The following MEGF11 variants were observed in gnomAD, a reference collection of about 807,000 sequenced individuals.
MEGF11 encodes multiple epidermal growth factor-like domains protein 11.
Under a neutral mutation model 146.6 loss-of-function variants are expected in MEGF11, and 126 were observed. That is an observed-to-expected ratio of 0.86 (90% confidence interval 0.74 to 1.00). The LOEUF is 1.00. Ranked by LOEUF, MEGF11 falls within the 50% of genes least tolerant of loss-of-function variation. MEGF11 has a pLI of 0.00. For missense variants in MEGF11, 1,509 were observed against 1,521.2 expected, an observed-to-expected ratio of 0.99 and a Z score of 0.13; for synonymous variants, 532 against 583.4, an observed-to-expected ratio of 0.91 and a Z score of 1.27.
intron 13 of MEGF11, among the ~76,000 whole-genome samples, chr15:65,924,746 C>T (rs1056168377): frequency 4.0e-5 from 6 of 151,674 alleles, no homozygotes; most frequent in Admixed American, 6.6e-5. Context: ...CTGCTTCAGC[C>T]TTCCGAGTAG....
chr15:66,073,633 G>C (rs2085460655), intron 5 of MEGF11, among the ~76,000 whole-genome samples: 1 of 152,142 alleles, frequency 6.6e-6, no homozygotes, highest in East Asian at 1.9e-4. Context: ...GCCTTTCCTG[G>C]TTCCCCAGGG....
chr15:65,899,392 ATTC>A (rs891589992), intron 24 of MEGF11, among the ~76,000 whole-genome samples: 49 of 152,232 alleles, frequency 3.2e-4, no homozygotes, highest in African/African-American at 1.1e-3. Context: ...ATTCTTGTGA[ATTC>A]TTCTTTTTTG....
At chr15:66,139,503 G>C (rs2140999080) in intron 1 of MEGF11, among the ~76,000 whole-genome samples, 1 of 151,878 alleles carries the variant, frequency 6.6e-6, no homozygotes, top group South Asian at 2.1e-4. Flanking sequence ...AAGTGAAACT[G>C]AACAAACATG....
At chr15:66,217,972 A>G (rs560181902) in intron 1 of MEGF11, among the ~76,000 whole-genome samples, 1 of 152,186 alleles carries the variant, frequency 6.6e-6, no homozygotes, top group African/African-American at 2.4e-5. Context: ...CCTGAAGCCA[A>G]TAACTTGCTG....
intron 24 of MEGF11, among the ~76,000 whole-genome samples, chr15:65,900,718 C>T (rs900850353): frequency 2.6e-5 from 4 of 152,178 alleles, no homozygotes; most frequent in Admixed American, 2.0e-4. Flanking sequence ...ACTAGCAGAG[C>T]AAACTCTGTA....
intron 5 of MEGF11, among the ~76,000 whole-genome samples, chr15:66,037,342 C>T (rs2083764503): frequency 1.3e-5 from 2 of 152,266 alleles, no homozygotes; most frequent in African/African-American, 2.4e-5. Flanking sequence ...ACTAAACCCA[C>T]TATCTGCCAA....
intron 1 of MEGF11, among the ~76,000 whole-genome samples, chr15:66,152,891 C>T (rs908500715): frequency 1.3e-5 from 2 of 152,210 alleles, no homozygotes; most frequent in Admixed American, 1.3e-4. Flanking sequence ...GAGGCTGCCC[C>T]TCCCCGCCGA....
chr15:65,949,197 G>A (rs1010648951), intron 10 of MEGF11, among the ~76,000 whole-genome samples: 3 of 152,210 alleles, frequency 2.0e-5, no homozygotes, highest in Admixed American at 2.0e-4. Flanking sequence ...CCAAGAGGTG[G>A]ACACGCACTC....
At chr15:66,123,296 C>T (rs1012419350) in intron 3 of MEGF11, among the ~76,000 whole-genome samples, 2 of 152,134 alleles carry the variant, frequency 1.3e-5, no homozygotes, top group Non-Finnish European at 1.5e-5. Flanking sequence ...GTCAAGGTGC[C>T]GAGAGGTTGC....
intron 1 of MEGF11, among the ~76,000 whole-genome samples, chr15:66,176,489 T>G (rs2090391737): frequency 6.6e-6 from 1 of 152,160 alleles, no homozygotes; most frequent in African/African-American, 2.4e-5. Flanking sequence ...GCTATTTAGA[T>G]CTAAATTAAT....
intron 1 of MEGF11, among the ~76,000 whole-genome samples, chr15:66,144,070 C>T (rs2089273551): frequency 6.6e-6 from 1 of 152,162 alleles, no homozygotes. Context: ...GAGGGGGAGA[C>T]ACTCCTTCTG....
intron 5 of MEGF11, among the ~76,000 whole-genome samples, chr15:66,021,145 G>C (rs1014697056): frequency 1.3e-5 from 2 of 152,184 alleles, no homozygotes; most frequent in Non-Finnish European, 2.9e-5. Context: ...GGTGATGCAG[G>C]GGCCTGCAGG....
intron 5 of MEGF11, among the ~76,000 whole-genome samples, chr15:66,033,462 G>T (rs28858762): frequency 1.3e-5 from 2 of 152,232 alleles, no homozygotes; most frequent in Non-Finnish European, 2.9e-5. Flanking sequence ...GCAGGCCCAG[G>T]TGCAGCTTTG....
At chr15:65,909,326 C>T (rs2078724072) in intron 22 of MEGF11, among the ~76,000 whole-genome samples, 191 bp from the exon 23 acceptor site, 1 of 152,060 alleles carries the variant, frequency 6.6e-6, no homozygotes, top group African/African-American at 2.4e-5. Flanking sequence ...CCAAGGTCAT[C>T]TGCCTTGTTT....
chr15:66,108,548 G>A (rs1423748163), intron 4 of MEGF11, among the ~76,000 whole-genome samples: 1 of 152,200 alleles, frequency 6.6e-6, no homozygotes, highest in Non-Finnish European at 1.5e-5. Flanking sequence ...CATTGCAGAC[G>A]GGGCGGTCAG....
chr15:65,930,587 C>T (rs2079542364), intron 11 of MEGF11, among the ~76,000 whole-genome samples: 1 of 152,246 alleles, frequency 6.6e-6, no homozygotes, highest in South Asian at 2.1e-4. Context: ...TGCACACTTT[C>T]CCTGTGTGCT....
intron 13 of MEGF11, among the ~76,000 whole-genome samples, chr15:65,924,385 C>G (rs944464215): frequency 3.5e-4 from 42 of 119,020 alleles, no homozygotes; most frequent in African/African-American, 1.2e-3. Flanking sequence ...GGGGGGGGGG[C>G]AAGTGGTTTC....
chr15:66,138,901 C>T (rs988044162), intron 1 of MEGF11, among the ~76,000 whole-genome samples: 23 of 152,144 alleles, frequency 1.5e-4, no homozygotes, highest in Non-Finnish European at 3.2e-4. Context: ...AGTACAGATA[C>T]TACTGGGGGT....
intron 5 of MEGF11, among the ~76,000 whole-genome samples, chr15:66,051,219 C>A (rs1460274584): frequency 6.6e-6 from 1 of 152,104 alleles, no homozygotes; most frequent in Non-Finnish European, 1.5e-5. Flanking sequence ...GAAACTGAGG[C>A]CTCAGCTGGG....
Sources: gnomAD v4.1 joint callset for allele counts (sites outside exome capture counted in the v4.1 genomes callset) on GRCh38, gnomAD v4.1.1 for gene constraint, MANE v1.5 for transcripts, NCBI Gene and HGNC (gene_info 2026-07-23, HGNC 2026-07-21) for gene names.